Variants in CFDP1 observed in about 807,000 individuals in gnomAD.
CFDP1 encodes the protein chromatin remodeling protein CFDP1.
A neutral mutation model predicts 40.1 loss-of-function variants in CFDP1; 31 were observed. The ratio of observed to expected loss-of-function variants is 0.77; its 90% CI spans 0.58 to 1.04. The LOEUF (loss-of-function observed/expected upper bound fraction) is 1.04. Among genes scored for constraint, CFDP1 ranks in the 50% least tolerant of loss-of-function variants. The pLI, the probability that CFDP1 is intolerant of heterozygous loss-of-function variation, is 0.00. For missense variants in CFDP1, 423 were observed against 343.4 expected (o/e 1.23, Z -1.83); for synonymous variants, 167 against 120.0 (o/e 1.39, Z -2.56).
At chr16:75,411,167 G>A (rs1390239234) in intron 4 of CFDP1, among the ~76,000 whole-genome samples, 1 of 151,934 alleles carries the variant, frequency 6.6e-6, no homozygotes, top group Non-Finnish European at 1.5e-5. Flanking sequence ...GCAATGAGCC[G>A]AGATCGCACC....
chr16:75,388,539 G>A (rs2151556897), intron 5 of CFDP1, among the ~76,000 whole-genome samples: 1 of 152,302 alleles, frequency 6.6e-6, no homozygotes, highest in Admixed American at 6.5e-5. Flanking sequence ...CATCTACTCT[G>A]TGCCACCCCA....
At chr16:75,433,156 G>A (rs1267697851) in intron 1 of CFDP1, 133 bp downstream of exon 1, 4 of 786,930 alleles carry the variant, frequency 5.1e-6, no homozygotes, top group African/African-American at 1.8e-5. Context: ...GGGCCTGAGG[G>A]AGCGGACGCT....
intron 5 of CFDP1, among the ~76,000 whole-genome samples, chr16:75,332,077 C>A (rs1385670338): frequency 1.3e-5 from 2 of 152,160 alleles, no homozygotes; most frequent in African/African-American, 2.4e-5. Flanking sequence ...AGATGATGAA[C>A]ACTTTTCATG....
chr16:75,307,773 T>C (rs887284180), intron 5 of CFDP1, among the ~76,000 whole-genome samples: 2 of 152,116 alleles, frequency 1.3e-5, no homozygotes, highest in Non-Finnish European at 2.9e-5. Context: ...TGCCCAAGGC[T>C]GGTATCAAAC....
intron 1 of CFDP1, chr16:75,419,141 A>G: frequency 2.9e-6 from 1 of 346,802 alleles, no homozygotes; most frequent in Non-Finnish European, 6.0e-6. Context: ...ATCAAATTAA[A>G]AGGATACAAG....
At chr16:75,428,216 C>T (rs147401541) in intron 1 of CFDP1, among the ~76,000 whole-genome samples, 135 of 151,332 alleles carry the variant, frequency 8.9e-4, no homozygotes, top group African/African-American at 3.1e-3. Context: ...TAACAAAAAT[C>T]AGAGAACAGT....
At chr16:75,399,070 A>C (rs2079024806) in intron 4 of CFDP1, among the ~76,000 whole-genome samples, 1 of 151,350 alleles carries the variant, frequency 6.6e-6, no homozygotes, top group African/African-American at 2.4e-5. Flanking sequence ...AAAAAAAAAA[A>C]AAAAAAAAAG....
At chr16:75,426,684 A>T (rs1362487441) in intron 1 of CFDP1, among the ~76,000 whole-genome samples, 1 of 152,104 alleles carries the variant, frequency 6.6e-6, no homozygotes, top group Non-Finnish European at 1.5e-5. Context: ...TCAAAAAAAC[A>T]CCAAAAAAAA....
intron 1 of CFDP1, among the ~76,000 whole-genome samples, chr16:75,423,615 C>T (rs1392712932): frequency 2.6e-5 from 4 of 151,994 alleles, no homozygotes; most frequent in East Asian, 1.9e-4. Flanking sequence ...CTTGGGTTCA[C>T]GCCATTCTCC....
intron 5 of CFDP1, among the ~76,000 whole-genome samples, chr16:75,393,390 C>T (rs1265615978): frequency 6.6e-6 from 1 of 152,052 alleles, no homozygotes; most frequent in Non-Finnish European, 1.5e-5. Context: ...AGAGAGTATA[C>T]TAGTATAACT....
At chr16:75,346,688 G>T in intron 5 of CFDP1, among the ~76,000 whole-genome samples, 1 of 134,686 alleles carries the variant, frequency 7.4e-6, no homozygotes, top group Non-Finnish European at 1.5e-5. Context: ...GATATACTTT[G>T]ATTTTCCAAG....
At chr16:75,428,458 CA>C (rs1034616618) in intron 1 of CFDP1, among the ~76,000 whole-genome samples, 19 of 151,704 alleles carry the variant, frequency 1.3e-4, no homozygotes, top group African/African-American at 4.6e-4. Flanking sequence ...TATTAAAATA[CA>C]AAAACAAAAT....
intron 5 of CFDP1, chr16:75,325,119 AC>A: frequency 6.6e-6 from 1 of 152,106 alleles, no homozygotes; most frequent in Middle Eastern, 3.3e-3. Context: ...TATGCCTATG[AC>A]CCCCAAATGT....
At chr16:75,375,941 TGTGGCTC>T (rs1409475826) in intron 5 of CFDP1, among the ~76,000 whole-genome samples, 1 of 152,094 alleles carries the variant, frequency 6.6e-6, no homozygotes, top group Non-Finnish European at 1.5e-5. Flanking sequence ...GACTGAGCGT[TGTGGCTC>T]ATGCCTATAA....
chr16:75,429,844 G>C (rs760291771), intron 1 of CFDP1, among the ~76,000 whole-genome samples: 20 of 152,300 alleles, frequency 1.3e-4, no homozygotes, highest in Middle Eastern at 3.4e-3. Flanking sequence ...TCAAACTCTT[G>C]TCAAGTATTT....
chr16:75,345,977 C>T (rs543542104), intron 5 of CFDP1, among the ~76,000 whole-genome samples: 2 of 152,254 alleles, frequency 1.3e-5, no homozygotes, highest in Admixed American at 6.5e-5. Flanking sequence ...GCTTCCAGGT[C>T]TCTACTCAAG....
At chr16:75,423,063 A>G (rs1396951603) in intron 1 of CFDP1, among the ~76,000 whole-genome samples, 8 of 151,714 alleles carry the variant, frequency 5.3e-5, no homozygotes, top group Non-Finnish European at 7.4e-5. Context: ...GGCGGATCAC[A>G]AGGTCAGGAG....
intron 5 of CFDP1, among the ~76,000 whole-genome samples, chr16:75,387,226 C>T (rs567861870): frequency 6.6e-6 from 1 of 151,832 alleles, no homozygotes; most frequent in East Asian, 1.9e-4. Context: ...CTGCAAGCTC[C>T]GCCTCCCGGG....
rs187965570 is a variant in CFDP1, at chr16:75,394,219, G to C, written c.650+871C>G. Among the ~76,000 whole-genome samples the C allele has an allele frequency of 1.8e-3, 271 of 152,276 alleles. 1 individual carries two copies. Among genetic ancestry groups the C allele is most frequent in the African/African-American group, 6.4e-3 (267 of 41,564 alleles). On this transcript the variant is annotated intron_variant, in intron 5 of 6. Transcript: ENST00000283882. ...CAGGTGGGTAGTCAGGGCTATCCAT[G>C]GTATGGGTCTATGTTCACTTCCCTG...
Sources: allele counts gnomAD v4.1 joint callset (sites outside exome capture counted in the v4.1 genomes callset), GRCh38; gene constraint gnomAD v4.1.1; transcripts MANE v1.5; gene names NCBI Gene and HGNC (gene_info 2026-07-23, HGNC 2026-07-21).